SCFD1: variants seen among roughly 807,000 people sequenced by gnomAD.
SCFD1 encodes sec1 family domain-containing protein 1.
Under a neutral mutation model 103.2 loss-of-function variants are expected in SCFD1, and 37 were observed. The observed-to-expected ratio is 0.36, with a 90% CI of 0.28 to 0.47. The LOEUF is 0.47. Ranked by LOEUF, SCFD1 falls within the 20% of genes least tolerant of loss-of-function variation. The pLI, the probability that SCFD1 is intolerant of heterozygous loss-of-function variation, is 1.00. For synonymous variants in SCFD1, 264 were observed against 245.0 expected, an observed-to-expected ratio of 1.08 and a Z score of -0.73; for missense variants, 639 against 761.2, an observed-to-expected ratio of 0.84 and a Z score of 1.89.
intron 10 of SCFD1, chr14:30,658,038 A>G (rs1433722682): frequency 4.4e-6 from 2 of 451,660 alleles, no homozygotes; most frequent in East Asian, 7.0e-5. Flanking sequence ...AAGCAAAATT[A>G]GTAATTAGAA....
chr14:30,671,392 C>A (rs1171801360), intron 11 of SCFD1, among the ~76,000 whole-genome samples: 1 of 151,880 alleles, frequency 6.6e-6, no homozygotes, highest in Non-Finnish European at 1.5e-5. Context: ...ATCTACGTTT[C>A]CCTCCAGAAT....
intron 8 of SCFD1, among the ~76,000 whole-genome samples, chr14:30,650,126 G>A (rs1886257705): frequency 6.6e-6 from 1 of 152,152 alleles, no homozygotes; most frequent in Admixed American, 6.6e-5. Context: ...TTACTGACTG[G>A]TGGAAGACTG....
At chr14:30,674,131 A>T in intron 13 of SCFD1, 134 bp downstream of exon 13, 1 of 630,488 alleles carries the variant, frequency 1.6e-6, no homozygotes, top group East Asian at 2.8e-5. Flanking sequence ...AATTTAAAGA[A>T]CTAAATTGTA....
At chr14:30,652,062 T>C (rs1886442744) in intron 9 of SCFD1, among the ~76,000 whole-genome samples, 1 of 152,206 alleles carries the variant, frequency 6.6e-6, no homozygotes, top group South Asian at 2.1e-4. Flanking sequence ...ACCTTCCATC[T>C]AGCTCTGGTA....
At chr14:30,728,737 T>G (rs988593452) in intron 23 of SCFD1, among the ~76,000 whole-genome samples, 1 of 152,160 alleles carries the variant, frequency 6.6e-6, no homozygotes, top group African/African-American at 2.4e-5. Flanking sequence ...CTTGCTTTGT[T>G]ATCTATATTT....
intron 4 of SCFD1, 28 bp from the exon 5 acceptor site, chr14:30,638,088 TTATCCTATA>T: frequency 6.5e-7 from 1 of 1,542,330 alleles, no homozygotes; most frequent in Non-Finnish European, 8.7e-7. Context: ...ATGGTCTTCT[TTATCCTATA>T]AGAATAAAGT....
At chr14:30,674,824 G>A (rs951991240) in intron 13 of SCFD1, among the ~76,000 whole-genome samples, 160 bp from the exon 14 acceptor site, 2 of 152,114 alleles carry the variant, frequency 1.3e-5, no homozygotes, top group Non-Finnish European at 2.9e-5. Context: ...AATACTGTAG[G>A]TGTTCAAGTC....
chr14:30,712,320 A>G (rs75342300), intron 19 of SCFD1, among the ~76,000 whole-genome samples: 3,683 of 152,218 alleles, frequency 0.024, 173 homozygotes, highest in African/African-American at 0.084. Context: ...TCTTGTCCCA[A>G]TCCCACTGCC....
intron 18 of SCFD1, among the ~76,000 whole-genome samples, chr14:30,707,238 C>A (rs1311308572): frequency 6.6e-6 from 1 of 152,140 alleles, no homozygotes; most frequent in African/African-American, 2.4e-5. Context: ...TGAAAGCTGT[C>A]CCTAGCCTTC....
At chr14:30,690,768 C>G (rs1405809344) in intron 14 of SCFD1, among the ~76,000 whole-genome samples, 1 of 152,064 alleles carries the variant, frequency 6.6e-6, no homozygotes. Context: ...AATCACCCGT[C>G]TTCTGCGTCG....
At chr14:30,651,613 A>G (rs1402933635) in intron 9 of SCFD1, among the ~76,000 whole-genome samples, 2 of 151,064 alleles carry the variant, frequency 1.3e-5, no homozygotes. Flanking sequence ...TATCTTACTT[A>G]ATAGTTCCCT....
intron 1 of SCFD1, among the ~76,000 whole-genome samples, chr14:30,627,651 C>G (rs764776310): frequency 1.9e-4 from 29 of 148,968 alleles, no homozygotes; most frequent in Non-Finnish European, 4.3e-4. Flanking sequence ...GAGGCTGAAG[C>G]AGAACTGCTT....
chr14:30,623,562 G>C (rs1043556109), intron 1 of SCFD1, among the ~76,000 whole-genome samples: 2 of 152,124 alleles, frequency 1.3e-5, no homozygotes, highest in Non-Finnish European at 2.9e-5. Flanking sequence ...ACAAATGGAA[G>C]CTCCATTTGT....
At chr14:30,706,870 C>T (rs1197418277) in intron 18 of SCFD1, among the ~76,000 whole-genome samples, 1 of 152,192 alleles carries the variant, frequency 6.6e-6, no homozygotes, top group Non-Finnish European at 1.5e-5. Flanking sequence ...CTTATAAGTA[C>T]TTGGCAAAAG....
chr14:30,714,291 T>C (rs1293441751), intron 19 of SCFD1, among the ~76,000 whole-genome samples: 1 of 151,482 alleles, frequency 6.6e-6, no homozygotes, highest in African/African-American at 2.4e-5. Context: ...GAAGCGGAGC[T>C]TGCAGTGAGC....
intron 1 of SCFD1, 32 bp downstream of exon 1, chr14:30,622,431 C>A: frequency 6.5e-7 from 1 of 1,549,836 alleles, no homozygotes; most frequent in South Asian, 1.2e-5. Context: ...CTTGAAGCTT[C>A]GTGACTGCCC....
At position 30,728,202 on chromosome 14, in the gene SCFD1, C is replaced by T. The variant is rs1304128006; in HGVS notation, c.1836+5643C>T. On this transcript the variant is annotated intron_variant, in intron 23 of 24. Transcript: ENST00000458591. The stretch of plus-strand genomic sequence containing the variant: ...GTTGAGTCCCCCTTTAATTTCATGC[C>T]TTTTATGTTTTGACACACATTCCAT... 2.0e-5 allele frequency among the ~76,000 whole-genome samples: 3 copies of T among 152,194 alleles called. No individual in the cohort carries two copies. The South Asian group carries it at 6.2e-4, about 32-fold the overall frequency.
chr14:30,626,932 A>T (rs953095397), intron 1 of SCFD1, among the ~76,000 whole-genome samples: 7 of 152,316 alleles, frequency 4.6e-5, no homozygotes, highest in African/African-American at 1.7e-4. Context: ...GAGTGAATGA[A>T]TATGCTGTAA....
intron 19 of SCFD1, among the ~76,000 whole-genome samples, chr14:30,714,175 G>A (rs1246256338): frequency 3.5e-5 from 5 of 143,758 alleles, no homozygotes; most frequent in East Asian, 2.1e-4. Context: ...GTGAAACCCC[G>A]TCTCTACTAA....
Sources: gnomAD v4.1 joint callset for allele counts (sites outside exome capture counted in the v4.1 genomes callset) on GRCh38, gnomAD v4.1.1 for gene constraint, MANE v1.5 for transcripts, NCBI Gene and HGNC (gene_info 2026-07-23, HGNC 2026-07-21) for gene names.